The following CALN1 variants were observed in gnomAD, a reference collection of about 807,000 sequenced individuals.
CALN1 encodes calcium-binding protein 8.
In CALN1, 17 loss-of-function variants were observed where a neutral mutation model predicts 30.6. That is an observed-to-expected ratio of 0.56 (90% CI 0.38 to 0.83). CALN1 has a LOEUF of 0.83. Ranked by LOEUF, CALN1 falls within the 40% of genes least tolerant of loss-of-function variation. The probability of loss-of-function intolerance (pLI) is 0.00; values close to 1 mark genes in which losing one functional copy is unlikely to be tolerated. For missense variants in CALN1, 291 were observed against 354.9 expected, an observed-to-expected ratio of 0.82 and a Z score of 1.45; for synonymous variants, 156 against 131.4, an observed-to-expected ratio of 1.19 and a Z score of -1.28.
intron 3 of CALN1, among the ~76,000 whole-genome samples, chr7:72,190,027 T>C (rs919788895): frequency 1.3e-5 from 2 of 152,138 alleles, no homozygotes; most frequent in Non-Finnish European, 2.9e-5. Flanking sequence ...ATTCTCCAAC[T>C]TGAGAAGTAA....
rs141457187 is a variant in CALN1, at chr7:72,407,293, G to A, written c.-73-3851C>T. ...ATAACACCTACCTTTTAAAGTTATTGTAAAGTGTTAGGCACAGAGCAGGTG... is the reference window on the plus strand; with the variant it reads ...ATAACACCTACCTTTTAAAGTTATTATAAAGTGTTAGGCACAGAGCAGGTG... On this transcript the variant is annotated intron_variant, in intron 1 of 6. Transcript: ENST00000395275. Among the ~76,000 whole-genome samples, 964 of 152,296 alleles carry A rather than the reference G, an allele frequency of 6.3e-3. 5 individuals are homozygous for A. Among genetic ancestry groups the A allele is most frequent in the African/African-American group, 0.022 (922 of 41,554 alleles).
At chr7:72,351,420 G>A (rs1469887707) in intron 2 of CALN1, among the ~76,000 whole-genome samples, 1 of 152,006 alleles carries the variant, frequency 6.6e-6, no homozygotes, top group Non-Finnish European at 1.5e-5. Context: ...GAAAATATGT[G>A]AATAAAAATA....
intron 3 of CALN1, among the ~76,000 whole-genome samples, chr7:72,198,971 G>C (rs1791228317): frequency 6.6e-6 from 1 of 151,928 alleles, no homozygotes; most frequent in Non-Finnish European, 1.5e-5. Context: ...AGAATGAGTA[G>C]AGGTTTAAAA....
At chr7:72,025,268 C>T (rs1181484807) in intron 4 of CALN1, among the ~76,000 whole-genome samples, 1 of 152,088 alleles carries the variant, frequency 6.6e-6, no homozygotes, top group Non-Finnish European at 1.5e-5. Context: ...CAAGATCGCA[C>T]TGCTGCACTC....
At chr7:72,161,499 G>A (rs1048366266) in intron 3 of CALN1, among the ~76,000 whole-genome samples, 3 of 152,114 alleles carry the variant, frequency 2.0e-5, no homozygotes, top group Non-Finnish European at 4.4e-5. Context: ...AATTCTATTT[G>A]CTTAAGGCAC....
chr7:72,326,115 C>T (rs1416696475), intron 2 of CALN1, among the ~76,000 whole-genome samples: 2 of 152,182 alleles, frequency 1.3e-5, no homozygotes, highest in East Asian at 1.9e-4. Flanking sequence ...GTTGGCCAGG[C>T]TGGTCTCGAA....
At chr7:72,437,525 A>AGTGTGTGT (rs9297115) in intron 1 of CALN1, among the ~76,000 whole-genome samples, 5,712 of 150,700 alleles carry the variant, frequency 0.038, 124 homozygotes, top group Non-Finnish European at 0.041. Context: ...AGTTGTGTGG[A>AGTGTGTGT]GTGTGTGTGT....
chr7:72,467,252 A>C, the CALN1 span, among the ~76,000 whole-genome samples: 1 of 152,156 alleles, frequency 6.6e-6, no homozygotes, highest in Admixed American at 6.5e-5. Context: ...GGAGCTGCCA[A>C]AGAGGTCCCC....
chr7:71,837,574 A>C (rs1228790402), intron 5 of CALN1, among the ~76,000 whole-genome samples: 1 of 152,184 alleles, frequency 6.6e-6, no homozygotes, highest in East Asian at 1.9e-4. Flanking sequence ...TCTACAAGGC[A>C]ACAGAATATA....
At chr7:72,261,276 C>A (rs1423983810) in intron 3 of CALN1, among the ~76,000 whole-genome samples, 1 of 152,070 alleles carries the variant, frequency 6.6e-6, no homozygotes, top group East Asian at 1.9e-4. Flanking sequence ...CCACTGCATT[C>A]CAGCCTGGGT....
chr7:71,798,128 AG>A (rs1787065197), intron 6 of CALN1, among the ~76,000 whole-genome samples: 1 of 33,196 alleles, frequency 3.0e-5, no homozygotes, highest in Non-Finnish European at 7.0e-5. Context: ...AGAGACAGAG[AG>A]AGAGAGAGAG....
chr7:72,427,297 C>T (rs1479814226), intron 1 of CALN1, among the ~76,000 whole-genome samples: 1 of 151,912 alleles, frequency 6.6e-6, no homozygotes, highest in African/African-American at 2.4e-5. Context: ...CTTTGAGAAC[C>T]AAAAGAAGAA....
At chr7:72,439,008 T>C (rs1294960324) in intron 1 of CALN1, among the ~76,000 whole-genome samples, 2 of 152,140 alleles carry the variant, frequency 1.3e-5, no homozygotes, top group African/African-American at 2.4e-5. Context: ...CTGCTCCCCC[T>C]ACCCCATGCA....
intron 5 of CALN1, among the ~76,000 whole-genome samples, chr7:72,013,247 ATTTTTTTTT>A (rs1025112311): frequency 4.3e-5 from 4 of 92,978 alleles, no homozygotes; most frequent in Admixed American, 1.4e-4. Flanking sequence ...CTAATTTGAG[ATTTTTTTTT>A]TTTTTTTTTT....
chr7:72,186,964 T>A (rs62462857), intron 3 of CALN1, among the ~76,000 whole-genome samples: 31 of 148,318 alleles, frequency 2.1e-4, no homozygotes, highest in Non-Finnish European at 3.7e-4. Context: ...AACTGTTCTG[T>A]AAGATGATAT....
At chr7:71,798,658 G>A (rs1787112728) in intron 6 of CALN1, among the ~76,000 whole-genome samples, 1 of 127,036 alleles carries the variant, frequency 7.9e-6, no homozygotes, top group Non-Finnish European at 1.6e-5. Context: ...GTTTTGCTCT[G>A]TCACCCAGGC....
At chr7:72,227,928 T>C (rs1269770710) in intron 3 of CALN1, among the ~76,000 whole-genome samples, 2 of 151,934 alleles carry the variant, frequency 1.3e-5, no homozygotes, top group African/African-American at 4.8e-5. Context: ...GCAAGTACTC[T>C]GTCCCAGGAC....
intron 3 of CALN1, among the ~76,000 whole-genome samples, chr7:72,274,840 T>G (rs1797235293): frequency 6.6e-6 from 1 of 152,192 alleles, no homozygotes; most frequent in Admixed American, 6.5e-5. Context: ...TGAGTTTGGC[T>G]GGGTGATTCC....
intron 5 of CALN1, among the ~76,000 whole-genome samples, chr7:71,934,947 A>T (rs1795752606): frequency 6.6e-6 from 1 of 152,080 alleles, no homozygotes; most frequent in Non-Finnish European, 1.5e-5. Context: ...ATACGAGAAC[A>T]GCACAGTAAA....
Sources: allele counts gnomAD v4.1 joint callset (sites outside exome capture counted in the v4.1 genomes callset), GRCh38; gene constraint gnomAD v4.1.1; transcripts MANE v1.5; gene names NCBI Gene and HGNC (gene_info 2026-07-23, HGNC 2026-07-21).